The following CTNND2 variants were observed in gnomAD, a reference collection of about 807,000 sequenced individuals.
The protein encoded by CTNND2 is catenin delta 2.
In CTNND2, 22 loss-of-function variants were observed where a neutral mutation model predicts 144.4. The observed-to-expected ratio is 0.15, with a 90% CI of 0.11 to 0.22. CTNND2 has a LOEUF of 0.22. Among genes scored for constraint, CTNND2 ranks in the 10% least tolerant of loss-of-function variants. The pLI, the probability that CTNND2 is intolerant of heterozygous loss-of-function variation, is 1.00. For missense variants in CTNND2, 1,353 were observed against 1,618.8 expected, an observed-to-expected ratio of 0.84 and a Z score of 2.82; for synonymous variants, 751 against 695.6, an observed-to-expected ratio of 1.08 and a Z score of -1.25.
chr5:11,576,703 C>G (rs1240639324), intron 2 of CTNND2, among the ~76,000 whole-genome samples: 13 of 152,154 alleles, frequency 8.5e-5, no homozygotes. Flanking sequence ...CATTACATGG[C>G]AGAATAATCC....
At chr5:11,145,559 C>T (rs2149742344) in intron 12 of CTNND2, among the ~76,000 whole-genome samples, 1 of 152,276 alleles carries the variant, frequency 6.6e-6, no homozygotes, top group South Asian at 2.1e-4. Flanking sequence ...TAGAGCAACA[C>T]CTAGGACAGA....
chr5:11,640,413 G>A (rs1781940163), intron 2 of CTNND2, among the ~76,000 whole-genome samples: 1 of 152,180 alleles, frequency 6.6e-6, no homozygotes, highest in Admixed American at 6.5e-5. Context: ...TAGCAATTAA[G>A]AATTCCCTAA....
intron 2 of CTNND2, among the ~76,000 whole-genome samples, chr5:11,702,540 A>G (rs1320775911): frequency 6.6e-6 from 1 of 152,166 alleles, no homozygotes; most frequent in African/African-American, 2.4e-5. Flanking sequence ...TAGTGCTTCT[A>G]TCCAGAATTA....
At chr5:11,894,062 T>G (rs1480690094) in intron 1 of CTNND2, among the ~76,000 whole-genome samples, 1 of 151,982 alleles carries the variant, frequency 6.6e-6, no homozygotes, top group Non-Finnish European at 1.5e-5. Flanking sequence ...ATTGGCAGAC[T>G]ACAGTTAGAG....
intron 2 of CTNND2, among the ~76,000 whole-genome samples, chr5:11,698,243 T>G (rs1161225011): frequency 6.6e-6 from 1 of 152,006 alleles, no homozygotes; most frequent in East Asian, 1.9e-4. Flanking sequence ...TATCTGATGC[T>G]GAAGATAAAT....
chr5:11,311,449 C>T (rs111546383), intron 9 of CTNND2, among the ~76,000 whole-genome samples: 4 of 145,186 alleles, frequency 2.8e-5, no homozygotes, highest in South Asian at 2.3e-4. Flanking sequence ...CCCACATTCC[C>T]TCACACTCCC....
chr5:11,303,946 TC>T (rs1273329296), intron 9 of CTNND2, among the ~76,000 whole-genome samples: 1 of 152,170 alleles, frequency 6.6e-6, no homozygotes, highest in Admixed American at 6.5e-5. Context: ...TGAATAAGTC[TC>T]AGGAGATCTG....
At chr5:11,753,579 T>C (rs1788741735) in intron 1 of CTNND2, among the ~76,000 whole-genome samples, 1 of 151,914 alleles carries the variant, frequency 6.6e-6, no homozygotes, top group South Asian at 2.1e-4. Context: ...CGTTTGAAAT[T>C]TGTTGATGAC....
chr5:11,772,050 T>C (rs1335585231), intron 1 of CTNND2, among the ~76,000 whole-genome samples: 2 of 152,204 alleles, frequency 1.3e-5, no homozygotes, highest in African/African-American at 4.8e-5. Context: ...ATCTTGGCCA[T>C]GTTTACTTAT....
At chr5:11,101,675 C>T (rs978988615) in intron 14 of CTNND2, among the ~76,000 whole-genome samples, 9 of 152,134 alleles carry the variant, frequency 5.9e-5, no homozygotes, top group African/African-American at 2.2e-4. Context: ...AAACTGTGTT[C>T]GTTTTGGACT....
intron 11 of CTNND2, among the ~76,000 whole-genome samples, chr5:11,187,566 C>T (rs186004845): frequency 1.9e-4 from 29 of 152,272 alleles, no homozygotes; most frequent in African/African-American, 6.0e-4. Context: ...ATGACGAATA[C>T]ATCAAAAGCA....
chr5:11,716,956 C>T (rs896340359), intron 2 of CTNND2, among the ~76,000 whole-genome samples: 2 of 152,084 alleles, frequency 1.3e-5, no homozygotes, highest in African/African-American at 4.8e-5. Flanking sequence ...CAACCTCCGC[C>T]TCCCGGGTTC....
At position 11,504,042 on chromosome 5, in the gene CTNND2, C is replaced by T. The variant is rs570115502; in HGVS notation, c.287+60902G>A. 1.1e-4 allele frequency among the ~76,000 whole-genome samples: 16 copies of T among 152,310 alleles called. No individual in the cohort carries two copies. In the East Asian group the frequency reaches 1.7e-3, roughly 17 times the overall value. On this transcript the variant is annotated intron_variant, in intron 3 of 21. Transcript: ENST00000304623. ...CCTCATTCTGAAAGATAATTATCAA[C>T]GTACAAAACATAGAGAGTGCTAAAG...
chr5:11,473,808 G>A (rs1315301552), intron 3 of CTNND2, among the ~76,000 whole-genome samples: 1 of 152,240 alleles, frequency 6.6e-6, no homozygotes, highest in African/African-American at 2.4e-5. Flanking sequence ...CATCCAAGAA[G>A]AGCTTCTGTA....
intron 16 of CTNND2, among the ~76,000 whole-genome samples, chr5:11,044,910 G>A (rs1357257607): frequency 6.6e-6 from 1 of 152,228 alleles, no homozygotes; most frequent in Non-Finnish European, 1.5e-5. Context: ...GCCACCACTG[G>A]GGACCCTGAG....
intron 12 of CTNND2, among the ~76,000 whole-genome samples, chr5:11,126,244 T>C (rs1561345461): frequency 6.6e-6 from 1 of 152,098 alleles, no homozygotes; most frequent in Non-Finnish European, 1.5e-5. Flanking sequence ...GAGGTTGCGG[T>C]GAGCTGAGAT....
At chr5:11,432,138 T>C (rs1395571412) in intron 3 of CTNND2, among the ~76,000 whole-genome samples, 1 of 150,862 alleles carries the variant, frequency 6.6e-6, no homozygotes, top group African/African-American at 2.4e-5. Flanking sequence ...TTTTTTTTTT[T>C]TTTAAGTTAA....
At chr5:11,263,673 T>C (rs74843181) in intron 9 of CTNND2, among the ~76,000 whole-genome samples, 4,267 of 152,300 alleles carry the variant, frequency 0.028, 109 homozygotes, top group African/African-American at 0.064. Flanking sequence ...CTTTGTATTT[T>C]CCAGTATGAG....
At chr5:11,117,706 T>C in intron 12 of CTNND2, 139 bp from the exon 13 acceptor site, 1 of 685,194 alleles carries the variant, frequency 1.5e-6, no homozygotes, top group South Asian at 1.8e-5. Flanking sequence ...AATATATCTT[T>C]AATGAAAAGG....
Sources: gnomAD v4.1 joint callset for allele counts (sites outside exome capture counted in the v4.1 genomes callset) on GRCh38, gnomAD v4.1.1 for gene constraint, MANE v1.5 for transcripts, NCBI Gene and HGNC (gene_info 2026-07-23, HGNC 2026-07-21) for gene names.